The following FAT1 variants were observed in gnomAD, a reference collection of about 807,000 sequenced individuals.
FAT1 encodes the protein FAT atypical cadherin 1, also known as protocadherin Fat 1.
A neutral mutation model predicts 329.8 loss-of-function variants in FAT1; 171 were observed. The observed-to-expected ratio is 0.52, with a 90% CI of 0.46 to 0.59. The LOEUF (loss-of-function observed/expected upper bound fraction) is 0.59. FAT1 is among the 20% of genes least tolerant of loss of function. The probability of loss-of-function intolerance (pLI) is 0.00; values close to 1 mark genes in which losing one functional copy is unlikely to be tolerated. For synonymous variants in FAT1, 2,233 were observed against 2,228.6 expected (o/e 1.00, Z -0.06); for missense variants, 5,672 against 5,774.4 (o/e 0.98, Z 0.57).
chr4:186,632,397 C>G (rs2126553316), intron 7 of FAT1, among the ~76,000 whole-genome samples: 1 of 152,266 alleles, frequency 6.6e-6, no homozygotes, highest in Middle Eastern at 3.4e-3. Flanking sequence ...AAATCCTTCT[C>G]TCAGAATTAT....
intron 3 of FAT1, among the ~76,000 whole-genome samples, chr4:186,650,694 A>G (rs1385921278): frequency 6.6e-6 from 1 of 152,240 alleles, no homozygotes; most frequent in Non-Finnish European, 1.5e-5. Flanking sequence ...AAGAAAGAAC[A>G]GTAAAAAGGC....
rs377242949 is a variant in FAT1 at position 186,631,885 on chromosome 4, C to G, written c.4323+1799G>C. Among the ~76,000 whole-genome samples, 3 of 151,594 alleles carry G rather than the reference C, an allele frequency of 2.0e-5. No individual in the cohort carries two copies. The East Asian group carries it at 5.9e-4, about 30-fold the overall frequency. ...TCTCCAGGTGGCAGCTGCTGCACCC[C>G]CCTCCCGCCCCCACCCAAATTCATA... On this transcript the variant is annotated intron_variant, in intron 7 of 26. Transcript: ENST00000441802.
intron 3 of FAT1, among the ~76,000 whole-genome samples, chr4:186,657,826 C>A (rs1410262046): frequency 1.3e-5 from 2 of 152,174 alleles, no homozygotes; most frequent in Admixed American, 1.3e-4. Context: ...CATATCAACT[C>A]CCCCAAGTTC....
intron 22 of FAT1, among the ~76,000 whole-genome samples, chr4:186,599,012 G>A (rs2126406272): frequency 6.6e-6 from 1 of 152,262 alleles, no homozygotes; most frequent in South Asian, 2.1e-4. Context: ...AGGAGCCAGG[G>A]CACAGCTGCC....
At chr4:186,649,831 T>C (rs1342231741) in intron 3 of FAT1, among the ~76,000 whole-genome samples, 1 of 152,188 alleles carries the variant, frequency 6.6e-6, no homozygotes, top group Non-Finnish European at 1.5e-5. Flanking sequence ...ATAACTGATA[T>C]ACCAAAAACT....
At chr4:186,631,629 G>A (rs1394402891) in intron 7 of FAT1, among the ~76,000 whole-genome samples, 1 of 149,298 alleles carries the variant, frequency 6.7e-6, no homozygotes, top group South Asian at 2.1e-4. Flanking sequence ...TGACTCCTGT[G>A]CTCTTCAACC....
At chr4:186,697,271 T>A (rs952642533) in intron 2 of FAT1, among the ~76,000 whole-genome samples, 3 of 152,122 alleles carry the variant, frequency 2.0e-5, no homozygotes, top group Admixed American at 6.5e-5. Flanking sequence ...CACAGGCCCA[T>A]TTACACATGA....
chr4:186,599,236 A>G (rs1579295063), intron 22 of FAT1, among the ~76,000 whole-genome samples: 1 of 152,328 alleles, frequency 6.6e-6, no homozygotes, highest in East Asian at 1.9e-4. Flanking sequence ...CCCTGAGAGA[A>G]CAGCAGAAAA....
chr4:186,603,699 T>C lies in FAT1; in HGVS notation c.10827A>G (p.Gln3609=), dbSNP rs374269049. 342 of 1,614,004 alleles carry C rather than the reference T, an allele frequency of 2.1e-4. No homozygotes were observed. Among genetic ancestry groups the C allele is most frequent in the Non-Finnish European group, 1.7e-4 (206 of 1,179,896 alleles). ...CTGTTACGCTGACATTGAGAAGGTA[T>C]TGCCCTATGTCTAGCTTTTTGTGTG... ...LIAHKKLDIG[Q]YLLNVSVTDG... The change falls in exon 19 of 27, where the codon CAA becomes CAG. Residue 3609 remains glutamine, a synonymous_variant. Coordinates refer to ENST00000441802, the MANE Select transcript of FAT1 (RefSeq NM_005245.4).
chr4:186,711,659 T>C (rs1223235303), intron 1 of FAT1, among the ~76,000 whole-genome samples: 1 of 152,166 alleles, frequency 6.6e-6, no homozygotes, highest in African/African-American at 2.4e-5. Context: ...GGCTCACACC[T>C]GTAATCCCAG....
intron 2 of FAT1, among the ~76,000 whole-genome samples, chr4:186,664,923 G>A (rs1205635117): frequency 6.6e-6 from 1 of 152,164 alleles, no homozygotes; most frequent in Non-Finnish European, 1.5e-5. Flanking sequence ...GAAACATTTG[G>A]TTGAGAAAAA....
Position 186,609,976 on chromosome 4 carries a change from G to GC in FAT1, c.9892_9893insG (p.Ser3298CysfsTer3). The GC allele has an allele frequency of 6.2e-7, 1 of 1,613,272 alleles. No individual in the cohort carries two copies. Among genetic ancestry groups the GC allele is most frequent in the Admixed American group, 1.7e-5 (1 of 60,016 alleles). On this transcript the variant is annotated frameshift_variant, in exon 15 of 27. Coordinates refer to ENST00000441802, the MANE Select transcript of FAT1 (RefSeq NM_005245.4). LOFTEE classifies it high-confidence loss of function. ...CTCTACTGTTAGGTAATACTCATGA[G>GC]AGCTCTCATAATCCAGATTCTCAAT...
chr4:186,591,528 T>C (rs1254115591), intron 26 of FAT1, among the ~76,000 whole-genome samples: 5 of 152,350 alleles, frequency 3.3e-5, no homozygotes, highest in African/African-American at 1.2e-4. Context: ...AACTTTAAAT[T>C]CCATGTGCAC....
intron 1 of FAT1, among the ~76,000 whole-genome samples, chr4:186,722,608 G>A (rs1435783477): frequency 1.3e-5 from 2 of 152,172 alleles, no homozygotes; most frequent in African/African-American, 4.8e-5. Context: ...TGTAACAACT[G>A]GATGTGTTGG....
rs752785176 is a variant in FAT1, at chr4:186,706,731, C to T, written c.3097G>A (p.Val1033Met). ...VDVNENLHPP[V>M]FSSFVEKGTV... ...CCCTTTTCCACAAAGCTGGAAAACA[C>T]GGGTGGGTGCAGGTTCTCATTCACA... The change falls in exon 2 of 27, where the codon GTG (valine) becomes ATG (methionine). Residue 1033 changes from valine (V) to methionine (M), a missense_variant. By Grantham distance (21) the Val-to-Met change is conservative. Coordinates refer to ENST00000441802, the MANE Select transcript of FAT1 (RefSeq NM_005245.4). 6.8e-6 allele frequency: 11 copies of T among 1,613,832 alleles called. No homozygotes were observed. Among genetic ancestry groups the T allele is most frequent in the Admixed American group, 3.3e-5 (2 of 59,992 alleles).
At chr4:186,713,778 T>C (rs1407141613) in intron 1 of FAT1, among the ~76,000 whole-genome samples, 1 of 152,124 alleles carries the variant, frequency 6.6e-6, no homozygotes, top group Admixed American at 6.5e-5. Context: ...CCTGAGTAGC[T>C]GGGACTATAG....
Position 186,598,081 on chromosome 4 carries a change from C to A in FAT1, c.12148G>T (p.Glu4050Ter). 6.2e-7 allele frequency: 1 copy of A among 1,613,868 alleles called. No individual in the cohort carries two copies. Among genetic ancestry groups the A allele is most frequent in the Non-Finnish European group, 8.5e-7 (1 of 1,179,864 alleles). Residue 4050 changes from glutamate to a stop codon, truncating the protein, a stop_gained, in exon 23 of 27, where the codon GAG becomes TAG. Coordinates refer to ENST00000441802, the MANE Select transcript of FAT1 (RefSeq NM_005245.4). LOFTEE classifies it high-confidence loss of function. ...CSALYIGTHCEISVNPCSSKP... is the reference protein window; with the variant it reads ...CSALYIGTHC Reference sequence around the variant, plus strand: ...GAGGAACACGGATTGACGCTTATCTCACAGTGGGTCCCTATGTACAAGGCA... The same window carrying A: ...GAGGAACACGGATTGACGCTTATCTAACAGTGGGTCCCTATGTACAAGGCA...
chr4:186,609,438 A>G, intron 15 of FAT1, 118 bp from the exon 16 acceptor site: 1 of 1,206,254 alleles, frequency 8.3e-7, no homozygotes, highest in South Asian at 1.6e-5. Flanking sequence ...TTTTTTTGAG[A>G]TGGAGCCTTG....
At chr4:186,595,316 TGAGA>T (rs889766173) in intron 26 of FAT1, among the ~76,000 whole-genome samples, 17 of 144,214 alleles carry the variant, frequency 1.2e-4, no homozygotes, top group Non-Finnish European at 1.8e-4. Context: ...TGTGTGTGTG[TGAGA>T]GAGAGTGTGT....
Sources: gnomAD v4.1 joint callset for allele counts (sites outside exome capture counted in the v4.1 genomes callset) on GRCh38, gnomAD v4.1.1 for gene constraint, MANE v1.5 for transcripts, NCBI Gene and HGNC (gene_info 2026-07-23, HGNC 2026-07-21) for gene names.